HRG: variants seen among roughly 807,000 people sequenced by gnomAD.
The protein encoded by HRG is histidine rich glycoprotein, also known as histidine-rich glycoprotein.
In HRG, 26 loss-of-function variants were observed where a neutral mutation model predicts 29.5. The ratio of observed to expected loss-of-function variants is 0.88; its 90% CI spans 0.65 to 1.22. The LOEUF (loss-of-function observed/expected upper bound fraction) is 1.22, where lower values mean the gene tolerates loss of function less well. Among genes scored for constraint, HRG ranks in the 50% most tolerant of loss-of-function variants. The pLI is 0.00. For synonymous variants in HRG, 243 were observed against 240.4 expected (o/e 1.01, Z -0.10); for missense variants, 671 against 654.5 (o/e 1.03, Z -0.28).
chr3:186,676,044 T>G (rs1326361974), intron 6 of HRG, among the ~76,000 whole-genome samples: 2 of 151,992 alleles, frequency 1.3e-5, no homozygotes, highest in Admixed American at 6.6e-5. Flanking sequence ...TAATTTTGCA[T>G]TTTTAGTAGA....
intron 5 of HRG, 172 bp from the exon 6 acceptor site, chr3:186,674,917 C>A: frequency 1.5e-6 from 1 of 680,850 alleles, no homozygotes; most frequent in Middle Eastern, 4.3e-4. Context: ...CTGCACTTTC[C>A]CCAAAGTGTT....
rs766376795 is a variant in HRG at position 186,675,161 on chromosome 3, G to C, written c.712G>C (p.Val238Leu). The C allele has an allele frequency of 1.2e-6, 2 of 1,613,710 alleles. No individual in the cohort carries two copies. Among genetic ancestry groups the C allele is most frequent in the Admixed American group, 3.3e-5 (2 of 60,014 alleles). ...GGACTTGGAAAGCCCGAAAAACCTTGTCATAAACTGTGAAGTCTTCGACCC... is the reference window on the plus strand; with the variant it reads ...GGACTTGGAAAGCCCGAAAAACCTTCTCATAAACTGTGAAGTCTTCGACCC... ...ALDLESPKNL[V>L]INCEVFDPQE... Residue 238 changes from valine (V) to leucine (L), a missense_variant, in exon 6 of 7, where the codon GTC becomes CTC. Coordinates refer to ENST00000232003, the MANE Select transcript of HRG (RefSeq NM_000412.5).
At chr3:186,670,161 T>C (rs1354772996) in intron 3 of HRG, 133 bp downstream of exon 3, 1 of 690,238 alleles carries the variant, frequency 1.4e-6, no homozygotes. Context: ...ATGATGTACA[T>C]GAAAGAAAAG....
chr3:186,666,189 T>G lies in HRG; in HGVS notation c.158T>G (p.Ile53Ser). Residue 53 changes from isoleucine to serine, a missense_variant, in exon 1 of 7, where the codon ATT (isoleucine) becomes AGT (serine). Ile to Ser is a moderately radical substitution (Grantham distance 142). Transcript: ENST00000232003. ...RDGYLFQLLR[I>S]ADAHLDRVEN... ...GGCTACCTTTTCCAATTGCTGCGGA[T>G]TGCTGATGCCCACTTGGACAGAGTG... is the stretch of plus-strand genomic sequence containing the variant. 5 of 1,613,990 alleles carry G rather than the reference T, an allele frequency of 3.1e-6. No homozygotes were observed. Among genetic ancestry groups the G allele is most frequent in the Non-Finnish European group, 4.2e-6 (5 of 1,179,908 alleles).
chr3:186,676,506 G>A (rs918755637), intron 6 of HRG, among the ~76,000 whole-genome samples: 1 of 151,800 alleles, frequency 6.6e-6, no homozygotes, highest in Non-Finnish European at 1.5e-5. Context: ...TGGGCATGGT[G>A]GCTCATGCCT....
chr3:186,677,448 C>T lies in HRG; in HGVS notation c.1143C>T (p.Pro381=), dbSNP rs1560042694. The change falls in exon 7 of 7, where the codon CCC becomes CCT. Residue 381 remains proline, a synonymous_variant. Coordinates refer to ENST00000232003, the MANE Select transcript of HRG (RefSeq NM_000412.5). ...AACATGATACCCATAGACAGCATCC[C>T]CATGGACACCACCCCCATGGACACC... is the stretch of plus-strand genomic sequence containing the variant. ...PHEHDTHRQH[P]HGHHPHGHHP... The T allele has an allele frequency of 1.3e-6, 2 of 1,592,404 alleles. No homozygotes were observed. The highest frequency in any genetic ancestry group is 2.3e-5 in the South Asian group (2 of 88,552).
In HRG at chr3:186,677,192, G is replaced by A. The variant is rs1247128757; in HGVS notation, c.887G>A (p.Gly296Glu). ...HHHPHKPHEH[G>E]PPPPPDERDH... Reference sequence around the variant, plus strand: ...CATCCCCACAAGCCACACGAACATGGACCCCCACCTCCTCCAGATGAAAGA... The same window carrying A: ...CATCCCCACAAGCCACACGAACATGAACCCCCACCTCCTCCAGATGAAAGA... Residue 296 changes from glycine (G) to glutamate (E), a missense_variant, in exon 7 of 7, where the codon GGA (glycine) becomes GAA (glutamate). Gly to Glu is a moderately conservative substitution (Grantham distance 98). Transcript: ENST00000232003. 4 of 1,613,574 alleles carry A rather than the reference G, an allele frequency of 2.5e-6. No homozygotes were observed. Among genetic ancestry groups the A allele is most frequent in the African/African-American group, 2.7e-5 (2 of 74,740 alleles).
rs1177067675 is a variant in HRG at position 186,668,408 on chromosome 3, C to T, written c.184-527C>T. Among the ~76,000 whole-genome samples, 5 of 152,082 alleles carry T rather than the reference C, an allele frequency of 3.3e-5. No homozygotes were observed. The South Asian group carries it at 6.2e-4, about 19-fold the overall frequency. ...AAAAGCAAGGACAAGGAAAACATCT[C>T]GTAGGTTTACATGTTTTACCCCAGA... On this transcript the variant is annotated intron_variant, in intron 1 of 6. Transcript: ENST00000232003.
At chr3:186,670,309 G>A (rs901441483) in intron 3 of HRG, among the ~76,000 whole-genome samples, 3 of 152,142 alleles carry the variant, frequency 2.0e-5, no homozygotes, top group African/African-American at 4.8e-5. Context: ...CCTCATTATA[G>A]ATATAGGCTT....
chr3:186,666,975 T>G (rs769000735), intron 1 of HRG: 8 of 151,990 alleles, frequency 5.3e-5, no homozygotes, highest in Non-Finnish European at 1.2e-4. Context: ...TACCTGACAC[T>G]GGAGTCTTCA....
Position 186,677,094 on chromosome 3 carries a change from C to T in HRG, c.789C>T (p.Phe263=), listed in dbSNP as rs778797304. Reference sequence around the variant, plus strand: ...TACCGCCTCATTTGGGACATCCCTTCCACTGGGGTGGGCATGAGCGTTCTT... The same window carrying T: ...TACCGCCTCATTTGGGACATCCCTTTCACTGGGGTGGGCATGAGCGTTCTT... ...NGVPPHLGHP[F]HWGGHERSST... Residue 263 remains phenylalanine (F), a synonymous_variant, in exon 7 of 7, where the codon TTC becomes TTT. Transcript: ENST00000232003. The T allele has an allele frequency of 1.2e-6, 2 of 1,613,828 alleles. No individual in the cohort carries two copies. The highest frequency in any genetic ancestry group is 2.7e-5 in the African/African-American group (2 of 74,862).
intron 1 of HRG, chr3:186,667,191 C>A (rs1383756425): frequency 6.6e-6 from 1 of 152,156 alleles, no homozygotes; most frequent in East Asian, 1.9e-4. Flanking sequence ...GGGACAGGAT[C>A]CCTTTGGAAT....
chr3:186,678,030 T>G lies in HRG; in HGVS notation c.*147T>G, dbSNP rs1719065012. The stretch of plus-strand genomic sequence containing the variant: ...AATGTGAATGGGAAAAGAGATGGCC[T>G]GAGAAGAGAGATCAAATGGAAAGGA... On this transcript the variant is annotated 3_prime_UTR_variant, in exon 7 of 7. Transcript: ENST00000232003. The G allele has an allele frequency of 1.3e-6, 1 of 783,454 alleles. No individual in the cohort carries two copies. The highest frequency in any genetic ancestry group is 2.1e-6 in the Non-Finnish European group (1 of 483,878). The allele number at this position is 783,454 out of a possible 1,614,324, so 48.5% of individuals were successfully genotyped here.
At position 186,677,153 on chromosome 3, in the gene HRG, C is replaced by A; in HGVS notation, c.848C>A (p.Ser283Tyr). The A allele has an allele frequency of 1.2e-6, 2 of 1,613,684 alleles. No individual in the cohort carries two copies. The highest frequency in any genetic ancestry group is 1.7e-6 in the Non-Finnish European group (2 of 1,180,008). Reference protein sequence around the residue: ...TTKPPFKPHGSRDHHHPHKPH... With the variant: ...TTKPPFKPHGYRDHHHPHKPH... The stretch of plus-strand genomic sequence containing the variant: ...AAGCCTCCATTCAAGCCCCATGGAT[C>A]TAGAGATCATCATCATCCCCACAAG... Residue 283 changes from serine to tyrosine, a missense_variant, in exon 7 of 7, where the codon TCT becomes TAT. Transcript: ENST00000232003.
chr3:186,666,131 G>T lies in HRG; in HGVS notation c.100G>T (p.Ala34Ser). 1 of 1,614,208 alleles carries T rather than the reference G, an allele frequency of 6.2e-7. No individual in the cohort carries two copies. The highest frequency in any genetic ancestry group is 8.5e-7 in the Non-Finnish European group (1 of 1,180,046). ...CSAVEPEAEK[A>S]LDLINKRRRD... ...TGCTGTTGAGCCGGAGGCTGAGAAA[G>T]CTCTAGACCTGATCAATAAAAGGCG... Residue 34 changes from alanine (A) to serine (S), a missense_variant, in exon 1 of 7, where the codon GCT (alanine) becomes TCT (serine). Transcript: ENST00000232003.
chr3:186,671,482 G>A lies in HRG; in HGVS notation c.392-141G>A. On this transcript the variant is annotated intron_variant, in intron 3 of 6. Transcript: ENST00000232003. The stretch of plus-strand genomic sequence containing the variant: ...AGTTTAGTTCGGTTGCCAAATGGCT[G>A]ATTGATCTTGAAGCAGTTACTCAGC... 6 of 855,640 alleles carry A rather than the reference G, an allele frequency of 7.0e-6. No homozygotes were observed. The South Asian group carries it at 8.1e-5, about 12-fold the overall frequency. The allele number at this position is 855,640 out of a possible 1,614,324, so 53.0% of individuals were successfully genotyped here.
intron 2 of HRG, 38 bp downstream of exon 2, chr3:186,669,089 T>G (rs377436324): frequency 3.6e-6 from 4 of 1,115,776 alleles, no homozygotes; most frequent in Non-Finnish European, 4.1e-6. Flanking sequence ...CTCTTTTCAT[T>G]CTTATTTTCC....
chr3:186,668,756 A>G, intron 1 of HRG, 179 bp from the exon 2 acceptor site: 1 of 591,196 alleles, frequency 1.7e-6, no homozygotes. Flanking sequence ...ATTTGGAAAT[A>G]ACTCATTGAA....
intron 6 of HRG, among the ~76,000 whole-genome samples, chr3:186,675,939 G>T (rs1470145792): frequency 7.2e-6 from 1 of 138,394 alleles, no homozygotes; most frequent in African/African-American, 2.8e-5. Flanking sequence ...GTGCCATCTC[G>T]GCTCACCACA....
Sources: gnomAD v4.1 joint callset for allele counts (sites outside exome capture counted in the v4.1 genomes callset) on GRCh38, gnomAD v4.1.1 for gene constraint, MANE v1.5 for transcripts, NCBI Gene and HGNC (gene_info 2026-07-23, HGNC 2026-07-21) for gene names.